FANCC: variants seen among roughly 807,000 people sequenced by gnomAD.
The protein encoded by FANCC is FA complementation group C, also known as Fanconi anemia group C protein.
Under a neutral mutation model 71.3 loss-of-function variants are expected in FANCC, and 55 were observed. That is an observed-to-expected ratio of 0.77 (90% CI 0.62 to 0.97). FANCC has a LOEUF of 0.97. FANCC is among the 50% of genes least tolerant of loss of function. The pLI is 0.00. For missense variants in FANCC, 678 were observed against 670.9 expected (o/e 1.01, Z -0.12); for synonymous variants, 275 against 244.9 (o/e 1.12, Z -1.15).
intron 1 of FANCC, among the ~76,000 whole-genome samples, chr9:95,296,058 G>C (rs950699247): frequency 2.0e-5 from 3 of 152,200 alleles, no homozygotes; most frequent in African/African-American, 7.2e-5. Context: ...TTTGATGGTG[G>C]TGATAACTTC....
intron 7 of FANCC, among the ~76,000 whole-genome samples, chr9:95,138,994 T>C (rs1254986378): frequency 6.6e-6 from 1 of 152,238 alleles, no homozygotes; most frequent in African/African-American, 2.4e-5. Flanking sequence ...TAGATTTTGC[T>C]CTAAAACCTC....
intron 1 of FANCC, among the ~76,000 whole-genome samples, chr9:95,254,749 G>A (rs1384929723): frequency 6.6e-6 from 1 of 152,136 alleles, no homozygotes; most frequent in Non-Finnish European, 1.5e-5. Context: ...CCTTCAAAAG[G>A]GGGCTGAAGC....
intron 4 of FANCC, among the ~76,000 whole-genome samples, chr9:95,207,892 T>G (rs1828233256): frequency 6.6e-6 from 1 of 152,064 alleles, no homozygotes; most frequent in South Asian, 2.1e-4. Flanking sequence ...GTCTGTCTTT[T>G]CGGTGTTTAT....
Position 95,240,415 on chromosome 9 carries a change from C to T in FANCC, c.345+234G>A, listed in dbSNP as rs1830568694. On this transcript the variant is annotated intron_variant, in intron 4 of 14. Coordinates refer to ENST00000289081, the MANE Select transcript of FANCC (RefSeq NM_000136.3). ...AAAGAAACTTTTCAAAACCACTCAACATTAGGTCTTCATCCTAAAGACTGG... is the reference window on the plus strand; with the variant it reads ...AAAGAAACTTTTCAAAACCACTCAATATTAGGTCTTCATCCTAAAGACTGG... Among the ~76,000 whole-genome samples the T allele has an allele frequency of 3.3e-5, 5 of 152,186 alleles. No individual in the cohort carries two copies. In the South Asian group the frequency reaches 1.0e-3, roughly 32 times the overall value.
At chr9:95,248,571 C>A (rs1048254508) in intron 2 of FANCC, among the ~76,000 whole-genome samples, 7 of 152,060 alleles carry the variant, frequency 4.6e-5, no homozygotes, top group Non-Finnish European at 8.8e-5. Context: ...ATACAAAATA[C>A]TAGCTCATAA....
intron 1 of FANCC, among the ~76,000 whole-genome samples, chr9:95,289,407 C>T (rs997198504): frequency 2.1e-4 from 32 of 151,932 alleles, no homozygotes; most frequent in Admixed American, 9.8e-4. Flanking sequence ...CACAACTGAA[C>T]CTTGAAGTGC....
chr9:95,260,777 A>C (rs1261839927), intron 1 of FANCC, among the ~76,000 whole-genome samples: 1 of 152,198 alleles, frequency 6.6e-6, no homozygotes, highest in Non-Finnish European at 1.5e-5. Flanking sequence ...ATAGTTTATA[A>C]ATGTGAATAA....
chr9:95,107,662 G>A (rs565171037), intron 13 of FANCC: 15 of 380,818 alleles, frequency 3.9e-5, no homozygotes, highest in East Asian at 1.5e-4. Flanking sequence ...GACCTCCGCC[G>A]AGCCAGTGTT....
At chr9:95,270,728 T>C (rs187431163) in intron 1 of FANCC, among the ~76,000 whole-genome samples, 8 of 152,304 alleles carry the variant, frequency 5.3e-5, no homozygotes, top group African/African-American at 9.6e-5. Context: ...ATATTTAACA[T>C]AGGTAAAGTA....
intron 1 of FANCC, among the ~76,000 whole-genome samples, chr9:95,281,307 A>G (rs1005414355): frequency 6.6e-6 from 1 of 152,120 alleles, no homozygotes; most frequent in African/African-American, 2.4e-5. Flanking sequence ...AGAGAAAAGA[A>G]GCAAATAATT....
chr9:95,140,481 C>CAAAAA (rs541749751), intron 7 of FANCC, among the ~76,000 whole-genome samples: 11 of 135,658 alleles, frequency 8.1e-5, no homozygotes, highest in African/African-American at 2.6e-4. Context: ...TACAAAAAAA[C>CAAAAA]AAAACAAAAC....
chr9:95,170,679 T>TGTGTGTGTGTG (rs1554842441), intron 6 of FANCC, among the ~76,000 whole-genome samples: 161 of 144,638 alleles, frequency 1.1e-3, no homozygotes, highest in South Asian at 2.2e-3. Flanking sequence ...TGTGTGTGTG[T>TGTGTGTGTGTG]TGGGAGCAGA....
At chr9:95,235,592 C>T (rs1283463382) in intron 4 of FANCC, among the ~76,000 whole-genome samples, 1 of 152,120 alleles carries the variant, frequency 6.6e-6, no homozygotes, top group South Asian at 2.1e-4. Flanking sequence ...CGCCTGTAAT[C>T]CCAGCACTTT....
intron 7 of FANCC, among the ~76,000 whole-genome samples, chr9:95,136,070 C>T (rs1411420558): frequency 2.0e-5 from 3 of 152,142 alleles, no homozygotes; most frequent in Non-Finnish European, 4.4e-5. Flanking sequence ...TAATTATAAT[C>T]GGTTGCTTGA....
At chr9:95,123,568 C>T in intron 10 of FANCC, 1 of 562,520 alleles carries the variant, frequency 1.8e-6, no homozygotes, top group Non-Finnish European at 3.5e-6. Context: ...AGGGCCGCGG[C>T]CACGTGCAGC....
At chr9:95,250,650 T>A (rs1831272321) in intron 1 of FANCC, among the ~76,000 whole-genome samples, 1 of 152,232 alleles carries the variant, frequency 6.6e-6, no homozygotes. Context: ...TGTCCATGCC[T>A]CCTCATTGTC....
intron 3 of FANCC, among the ~76,000 whole-genome samples, chr9:95,246,239 A>G (rs1488108384): frequency 1.3e-5 from 2 of 152,200 alleles, no homozygotes; most frequent in Non-Finnish European, 2.9e-5. Flanking sequence ...GGGAAGAGGT[A>G]TAAGTGGGAA....
chr9:95,257,844 G>A (rs923752829), intron 1 of FANCC, among the ~76,000 whole-genome samples: 1 of 152,058 alleles, frequency 6.6e-6, no homozygotes, highest in Non-Finnish European at 1.5e-5. Context: ...AAATGATAAA[G>A]AATATCACCA....
At chr9:95,168,558 C>T (rs1012355181) in intron 6 of FANCC, among the ~76,000 whole-genome samples, 1 of 152,202 alleles carries the variant, frequency 6.6e-6, no homozygotes, top group Non-Finnish European at 1.5e-5. Flanking sequence ...CGAGATGGCA[C>T]CTTGCTCTGT....
Sources: allele counts gnomAD v4.1 joint callset (sites outside exome capture counted in the v4.1 genomes callset), GRCh38; gene constraint gnomAD v4.1.1; transcripts MANE v1.5; gene names NCBI Gene and HGNC (gene_info 2026-07-23, HGNC 2026-07-21).